HSD17B11: variants seen among roughly 807,000 people sequenced by gnomAD.
HSD17B11 encodes the protein hydroxysteroid 17-beta dehydrogenase 11.
HSD17B11 carries 22 observed loss-of-function variants against 27.8 expected under a neutral mutation model. The ratio of observed to expected loss-of-function variants is 0.79; its 90% CI spans 0.56 to 1.13. The LOEUF is 1.13. HSD17B11 is among the 50% of genes most tolerant of loss of function. HSD17B11 has a pLI of 0.00. For missense variants in HSD17B11, 314 were observed against 351.1 expected (o/e 0.89, Z 0.84); for synonymous variants, 117 against 132.8 (o/e 0.88, Z 0.82).
intron 4 of HSD17B11, among the ~76,000 whole-genome samples, chr4:87,359,546 A>G (rs1735466595): frequency 6.6e-6 from 1 of 152,308 alleles, no homozygotes; most frequent in Non-Finnish European, 1.5e-5. Context: ...ACTTTATTGT[A>G]GAGATGTGGG....
intron 2 of HSD17B11, among the ~76,000 whole-genome samples, chr4:87,380,711 A>G (rs978295927): frequency 6.6e-6 from 1 of 150,900 alleles, no homozygotes; most frequent in Non-Finnish European, 1.5e-5. Flanking sequence ...CAAAAAAATT[A>G]GCCAAGCGTG....
intron 3 of HSD17B11, among the ~76,000 whole-genome samples, chr4:87,373,546 C>CA (rs1735761586): frequency 6.6e-6 from 1 of 151,874 alleles, no homozygotes; most frequent in African/African-American, 2.4e-5. Context: ...CTCATCTCCA[C>CA]AAAAAATACA....
At chr4:87,374,960 C>A in intron 2 of HSD17B11, 130 bp from the exon 3 acceptor site, 2 of 565,592 alleles carry the variant, frequency 3.5e-6, no homozygotes, top group South Asian at 5.1e-5. Flanking sequence ...GTGGCGAAAT[C>A]TTGGCTCACT....
chr4:87,382,163 G>T, intron 2 of HSD17B11, 92 bp downstream of exon 2: 3 of 884,110 alleles, frequency 3.4e-6, no homozygotes, highest in South Asian at 3.2e-5. Context: ...CATTTCTCAG[G>T]TACTTCATCT....
chr4:87,386,816 A>T (rs1720331911), intron 1 of HSD17B11: 1 of 152,176 alleles, frequency 6.6e-6, no homozygotes. Flanking sequence ...CATTCAACAA[A>T]TAGTCTTTGA....
rs138999457 is a variant in HSD17B11 at position 87,342,111 on chromosome 4, G to A, written c.696-1505C>T. Among the ~76,000 whole-genome samples, 350 of 152,070 alleles carry A rather than the reference G, an allele frequency of 2.3e-3. 1 individual carries two copies. The highest frequency in any genetic ancestry group is 3.6e-3 in the Non-Finnish European group (243 of 67,980). ...TTAAAAGAAGTGAGACACCAGGCGT[G>A]GTGCTCAATGCCTGTAATCCCAGGA... On this transcript the variant is annotated intron_variant, in intron 5 of 6. Transcript: ENST00000358290.
At chr4:87,380,648 GAGATAC>G (rs1187120917) in intron 2 of HSD17B11, among the ~76,000 whole-genome samples, 1 of 149,866 alleles carries the variant, frequency 6.7e-6, no homozygotes, top group Non-Finnish European at 1.5e-5. Context: ...ACGAGGTCAG[GAGATAC>G]AGACCATCCT....
At chr4:87,341,173 G>T (rs1347208919) in intron 5 of HSD17B11, among the ~76,000 whole-genome samples, 1 of 151,482 alleles carries the variant, frequency 6.6e-6, no homozygotes, top group African/African-American at 2.4e-5. Context: ...TGTTTTTTTT[G>T]GTTTGTTTGT....
chr4:87,377,431 C>T (rs1735852941), intron 2 of HSD17B11, among the ~76,000 whole-genome samples: 2 of 147,424 alleles, frequency 1.4e-5, no homozygotes, highest in South Asian at 4.3e-4. Context: ...GCCTGAGCGA[C>T]AGAGCGAGAC....
chr4:87,341,668 C>G (rs1397652233), intron 5 of HSD17B11, among the ~76,000 whole-genome samples: 1 of 151,998 alleles, frequency 6.6e-6, no homozygotes, highest in Non-Finnish European at 1.5e-5. Context: ...CGAGATCAGC[C>G]TAGCCATCAT....
chr4:87,372,613 C>T, intron 4 of HSD17B11, 96 bp downstream of exon 4: 1 of 755,558 alleles, frequency 1.3e-6, no homozygotes, highest in South Asian at 1.6e-5. Flanking sequence ...CTTCAAGTCT[C>T]TTATGATTAT....
At chr4:87,380,757 C>T (rs1578046700) in intron 2 of HSD17B11, among the ~76,000 whole-genome samples, 1 of 149,058 alleles carries the variant, frequency 6.7e-6, no homozygotes, top group African/African-American at 2.5e-5. Flanking sequence ...ACTCCGGAGG[C>T]TGAGGCAGGA....
At chr4:87,362,528 AAATAAAATAT>A (rs1735536911) in intron 4 of HSD17B11, among the ~76,000 whole-genome samples, 1 of 152,156 alleles carries the variant, frequency 6.6e-6, no homozygotes, top group African/African-American at 2.4e-5. Context: ...TCCATCTCAA[AAATAAAATAT>A]AATAAAATAA....
chr4:87,374,734 TTTC>T lies in HSD17B11; in HGVS notation c.412_414del (p.Glu138del), dbSNP rs1338704952. The stretch of plus-strand genomic sequence containing the variant: ...GCAAGTACATTAACTTCAAAAGTCT[TTTC>T]AATCTGAGGATCTTGTGTAGCAAAC... On this transcript the variant is annotated inframe_deletion, in exon 3 of 7. Transcript: ENST00000358290. 1.2e-6 allele frequency: 2 copies of T among 1,608,418 alleles called. No individual in the cohort carries two copies. The highest frequency in any genetic ancestry group is 2.7e-5 in the African/African-American group (2 of 74,560).
At position 87,336,679 on chromosome 4, in the gene HSD17B11, T is replaced by A. The variant is rs1209694872; in HGVS notation, c.*597A>T. 1 of 152,610 alleles carries A rather than the reference T, an allele frequency of 6.6e-6. No individual in the cohort carries two copies. The highest frequency in any genetic ancestry group is 1.5e-5 in the Non-Finnish European group (1 of 68,090). 9.5% of individuals were successfully genotyped at this position (152,610 alleles called of 1,614,324 possible). Reference sequence around the variant, plus strand: ...TCTCTCAATTCTCCTTAAATCCCAGTGATGCTTTTATACTTGCAACACGTG... The same window carrying A: ...TCTCTCAATTCTCCTTAAATCCCAGAGATGCTTTTATACTTGCAACACGTG... On this transcript the variant is annotated 3_prime_UTR_variant, in exon 7 of 7. Coordinates refer to ENST00000358290, the MANE Select transcript of HSD17B11 (RefSeq NM_016245.5).
chr4:87,355,169 A>C (rs994083271), intron 5 of HSD17B11, among the ~76,000 whole-genome samples: 1 of 152,126 alleles, frequency 6.6e-6, no homozygotes, highest in African/African-American at 2.4e-5. Flanking sequence ...AGAATCCAAA[A>C]GTCTATCCAA....
chr4:87,338,078 A>T (rs928967394), intron 6 of HSD17B11, among the ~76,000 whole-genome samples: 4 of 152,212 alleles, frequency 2.6e-5, no homozygotes, highest in Non-Finnish European at 5.9e-5. Flanking sequence ...TTAGCCAGGC[A>T]TGGTGGCGGG....
chr4:87,383,354 G>T (rs1011026078), intron 1 of HSD17B11, among the ~76,000 whole-genome samples: 3 of 152,106 alleles, frequency 2.0e-5, no homozygotes, highest in African/African-American at 7.2e-5. Flanking sequence ...TGGATTTTAG[G>T]GGTCAACACT....
chr4:87,390,981 C>T lies in HSD17B11; in HGVS notation c.90G>A (p.Arg30=). The change falls in exon 1 of 7, where the codon AGG becomes AGA. Residue 30 remains arginine, a synonymous_variant. Coordinates refer to ENST00000358290, the MANE Select transcript of HSD17B11 (RefSeq NM_016245.5). ...ESFVKLFIPK[R]RKSVTGEIVL... ...CGATTTCGCCGGTGACTGATTTTCT[C>T]CTCTTAGGAATAAAAAGCTTCACGA... The T allele has an allele frequency of 1.2e-6, 2 of 1,614,104 alleles. No homozygotes were observed. The highest frequency in any genetic ancestry group is 1.7e-6 in the Non-Finnish European group (2 of 1,180,018).
Sources: allele counts gnomAD v4.1 joint callset (sites outside exome capture counted in the v4.1 genomes callset), GRCh38; gene constraint gnomAD v4.1.1; transcripts MANE v1.5; gene names NCBI Gene and HGNC (gene_info 2026-07-23, HGNC 2026-07-21).